The following ACSBG1 variants were observed in gnomAD, a reference collection of about 807,000 sequenced individuals.
ACSBG1 encodes acyl-CoA synthetase bubblegum family member 1, also known as long-chain-fatty-acid--CoA ligase ACSBG1.
A neutral mutation model predicts 80.2 loss-of-function variants in ACSBG1; 39 were observed. The observed-to-expected ratio is 0.49, with a 90% CI of 0.38 to 0.64. The LOEUF (loss-of-function observed/expected upper bound fraction) is 0.64, where lower values mean the gene tolerates loss of function less well. Ranked by LOEUF, ACSBG1 falls within the 30% of genes least tolerant of loss-of-function variation. The pLI, the probability that ACSBG1 is intolerant of heterozygous loss-of-function variation, is 0.00. For missense variants in ACSBG1, 828 were observed against 966.4 expected, an observed-to-expected ratio of 0.86 and a Z score of 1.90; for synonymous variants, 392 against 379.5, an observed-to-expected ratio of 1.03 and a Z score of -0.38.
chr15:78,181,580 A>G (rs2074945155), intron 8 of ACSBG1, among the ~76,000 whole-genome samples: 3 of 130,196 alleles, frequency 2.3e-5, no homozygotes, highest in Non-Finnish European at 4.6e-5. Context: ...TGCAAGCTCC[A>G]CCTCCTGGGT....
chr15:78,216,077 C>A (rs774416466), intron 1 of ACSBG1, among the ~76,000 whole-genome samples: 1 of 152,192 alleles, frequency 6.6e-6, no homozygotes, highest in Non-Finnish European at 1.5e-5. Context: ...TTTTAAAAAA[C>A]ATAATGGACT....
At chr15:78,176,616 G>C (rs2074885215) in intron 11 of ACSBG1, among the ~76,000 whole-genome samples, 1 of 152,048 alleles carries the variant, frequency 6.6e-6, no homozygotes, top group Non-Finnish European at 1.5e-5. Context: ...GGAAAGATGT[G>C]CAAAAATCTC....
rs2074913150 is a variant in ACSBG1 at position 78,178,993 on chromosome 15, GC to G, written c.1485-163del. ...AGGGGACTTACAGCTGAAAGGTAGA[GC>G]CAAGTAAAGGGTTTTAGGGAATGAA... On this transcript the variant is annotated intron_variant, in intron 10 of 13. Coordinates refer to ENST00000258873, the MANE Select transcript of ACSBG1 (RefSeq NM_015162.5). The surrounding 1 kb of genome is among the most constrained non-coding windows in gnomAD (Gnocchi z 4.3). 1.5e-6 allele frequency: 1 copy of G among 666,278 alleles called. No individual in the cohort carries two copies. Among genetic ancestry groups the G allele is most frequent in the Non-Finnish European group, 2.5e-6 (1 of 398,860 alleles). The allele number at this position is 666,278 out of a possible 1,614,324, so 41.3% of individuals were successfully genotyped here.
At position 78,174,432 on chromosome 15, in the gene ACSBG1, G is replaced by A. The variant is rs1421117157; in HGVS notation, c.1795C>T (p.Leu599Phe). 1 of 1,614,208 alleles carries A rather than the reference G, an allele frequency of 6.2e-7. No individual in the cohort carries two copies. Among genetic ancestry groups the A allele is most frequent in the African/African-American group, 1.3e-5 (1 of 75,042 alleles). Residue 599 changes from leucine to phenylalanine, a missense_variant, in exon 12 of 14, where the codon CTC (leucine) becomes TTC (phenylalanine). Coordinates refer to ENST00000258873, the MANE Select transcript of ACSBG1 (RefSeq NM_015162.5). ...AGGAACTTCCTCTGGTCCCCAATGAGCATGGCGTTGCTGATGATGGGCAGC... is the reference window on the plus strand; with the variant it reads ...AGGAACTTCCTCTGGTCCCCAATGAACATGGCGTTGCTGATGATGGGCAGC... ...MELPIISNAM[L>F]IGDQRKFLSM...
chr15:78,210,090 C>A (rs528181503), intron 1 of ACSBG1, among the ~76,000 whole-genome samples: 1 of 152,306 alleles, frequency 6.6e-6, no homozygotes, highest in South Asian at 2.1e-4. Flanking sequence ...GTTGGCAGCA[C>A]CTTCTTGCTG....
In ACSBG1 at chr15:78,229,074, CTTT is replaced by C. The variant is rs3973561; in HGVS notation, c.131+5294_131+5296del. 8.9e-3 allele frequency among the ~76,000 whole-genome samples: 1,314 copies of C among 146,912 alleles called. 21 individuals carry two copies. Among genetic ancestry groups the C allele is most frequent in the African/African-American group, 0.028 (1,137 of 40,280 alleles). ...AATTCAGTGGCATTGATTATATTCCCTTTTTTTTTTTTTATTCATTCATGGCAC... is the reference window on the plus strand; with the variant it reads ...AATTCAGTGGCATTGATTATATTCCCTTTTTTTTTTATTCATTCATGGCAC... On this transcript the variant is annotated intron_variant, in intron 1 of 13. Coordinates refer to ENST00000258873, the MANE Select transcript of ACSBG1 (RefSeq NM_015162.5).
intron 1 of ACSBG1, among the ~76,000 whole-genome samples, chr15:78,215,782 GAAAGAGAA>G (rs1013327573): frequency 1.3e-4 from 20 of 149,134 alleles, no homozygotes; most frequent in African/African-American, 3.6e-4. Flanking sequence ...AAGAAAGAAA[GAAAGAGAA>G]AGAAAGAGAG....
chr15:78,192,517 C>G (rs2075065301), intron 5 of ACSBG1, among the ~76,000 whole-genome samples: 1 of 152,220 alleles, frequency 6.6e-6, no homozygotes, highest in Non-Finnish European at 1.5e-5. Flanking sequence ...TTTTCAAACT[C>G]ACTCTGATTT....
intron 1 of ACSBG1, chr15:78,226,398 T>C (rs1261140182): frequency 6.6e-6 from 1 of 152,336 alleles, no homozygotes; most frequent in Non-Finnish European, 1.5e-5. Flanking sequence ...GCACCTAGCA[T>C]AGACAAAACA....
Position 78,199,083 on chromosome 15 carries a change from G to A in ACSBG1, c.233-4357C>T, listed in dbSNP as rs143341475. 5.3e-4 allele frequency among the ~76,000 whole-genome samples: 80 copies of A among 152,018 alleles called. 2 individuals are homozygous for A. The highest frequency in any genetic ancestry group is 1.9e-4 in the East Asian group (1 of 5,158). ...GCTTTTTATAGAGACATGGAACAGC[G>A]CAATATTTTTCTTTTCTTTTCTTTT... On this transcript the variant is annotated intron_variant, in intron 2 of 13. Transcript: ENST00000258873.
At chr15:78,211,207 C>T (rs778313178) in intron 1 of ACSBG1, among the ~76,000 whole-genome samples, 1 of 152,250 alleles carries the variant, frequency 6.6e-6, no homozygotes, top group Non-Finnish European at 1.5e-5. Context: ...TGCTGCTATT[C>T]CAGGAAGGAC....
rs767866667 is a variant in ACSBG1 at position 78,193,574 on chromosome 15, T to C, written c.595A>G (p.Ile199Val). 5.6e-6 allele frequency: 9 copies of C among 1,613,756 alleles called. No individual in the cohort carries two copies. The highest frequency in any genetic ancestry group is 1.3e-5 in the African/African-American group (1 of 74,916). ...ACATTGGCGCAGCAGTCATAAGCGA[T>C]GTACTGGCAGGCCTCTGGGGAGCTG... is the stretch of plus-strand genomic sequence containing the variant. Reference protein sequence around the residue: ...TTSSPEACQYIAYDCCANVIM... With the variant: ...TTSSPEACQYVAYDCCANVIM... Residue 199 changes from isoleucine to valine, a missense_variant, in exon 5 of 14, where the codon ATC (isoleucine) becomes GTC (valine). Physicochemically the swap from Ile to Val is conservative, Grantham distance 29 (BLOSUM62 3). This residue lies in a region of ACSBG1 where 356 missense variants were observed against 363.5 expected (regional missense o/e 0.98). Coordinates refer to ENST00000258873, the MANE Select transcript of ACSBG1 (RefSeq NM_015162.5).
At chr15:78,212,727 C>G in intron 1 of ACSBG1, 1 of 387,674 alleles carries the variant, frequency 2.6e-6, no homozygotes, top group South Asian at 1.9e-5. Context: ...CCGGACCGCC[C>G]TGCAACAGAG....
At chr15:78,211,149 A>C (rs2075263338) in intron 1 of ACSBG1, among the ~76,000 whole-genome samples, 2 of 152,030 alleles carry the variant, frequency 1.3e-5, no homozygotes, top group African/African-American at 4.8e-5. Context: ...AGCTGCCCCT[A>C]CTCTGTCTTA....
chr15:78,212,962 G>C (rs971984751), intron 1 of ACSBG1, among the ~76,000 whole-genome samples: 2 of 152,156 alleles, frequency 1.3e-5, no homozygotes, highest in Non-Finnish European at 2.9e-5. Context: ...AAAATCTCCA[G>C]GACTCCTGCT....
intron 5 of ACSBG1, among the ~76,000 whole-genome samples, chr15:78,183,912 A>AG (rs2074974581): frequency 6.6e-6 from 1 of 152,026 alleles, no homozygotes. Context: ...ACACTACAAA[A>AG]TTTTTAGAAA....
chr15:78,218,090 CG>C (rs951806423), intron 1 of ACSBG1, among the ~76,000 whole-genome samples: 2 of 152,116 alleles, frequency 1.3e-5, no homozygotes, highest in Admixed American at 1.3e-4. Context: ...GTACCGCAAG[CG>C]TGACTTTAGG....
At chr15:78,226,054 A>G (rs944866372) in intron 1 of ACSBG1, among the ~76,000 whole-genome samples, 1 of 152,222 alleles carries the variant, frequency 6.6e-6, no homozygotes, top group Non-Finnish European at 1.5e-5. Flanking sequence ...TGTGAGCAAG[A>G]AAGAAAATGA....
At position 78,223,860 on chromosome 15, in the gene ACSBG1, G is replaced by A. The variant is rs926789692; in HGVS notation, c.131+10511C>T. Among the ~76,000 whole-genome samples, 3 of 152,198 alleles carry A rather than the reference G, an allele frequency of 2.0e-5. No individual in the cohort carries two copies. The East Asian group carries it at 5.8e-4, about 29-fold the overall frequency. ...ATTCTTACAAGTGGGAGCAGAGAGAGATTTGACATGCACAGAAGAGAAACA... is the reference window on the plus strand; with the variant it reads ...ATTCTTACAAGTGGGAGCAGAGAGAAATTTGACATGCACAGAAGAGAAACA... On this transcript the variant is annotated intron_variant, in intron 1 of 13. Transcript: ENST00000258873.
Sources: allele counts gnomAD v4.1 joint callset (sites outside exome capture counted in the v4.1 genomes callset), GRCh38; gene constraint gnomAD v4.1.1; regional missense constraint gnomAD v4.1.1; non-coding constraint Gnocchi (gnomAD v3.1); transcripts MANE v1.5; gene names NCBI Gene and HGNC (gene_info 2026-07-23, HGNC 2026-07-21).